The following CFAP91 variants were observed in gnomAD, a reference collection of about 807,000 sequenced individuals.
CFAP91 encodes the protein cilia and flagella associated protein 91.
CFAP91 carries 85 observed loss-of-function variants against 95.9 expected under a neutral mutation model. The observed-to-expected ratio is 0.89, with a 90% CI of 0.74 to 1.06. CFAP91 has a LOEUF of 1.06. Ranked by LOEUF, CFAP91 falls within the 50% of genes least tolerant of loss-of-function variation. The pLI is 0.00. For synonymous variants in CFAP91, 335 were observed against 327.5 expected, an observed-to-expected ratio of 1.02 and a Z score of -0.25; for missense variants, 962 against 943.4, an observed-to-expected ratio of 1.02 and a Z score of -0.26.
intron 17 of CFAP91, among the ~76,000 whole-genome samples, chr3:119,759,343 C>T (rs2054491566): frequency 6.6e-6 from 1 of 151,830 alleles, no homozygotes; most frequent in Non-Finnish European, 1.5e-5. Context: ...AAATAAAAAT[C>T]AGAATAGTGA....
rs367686262 is a variant in CFAP91, at chr3:119,703,061, C to T, written c.-38C>T. The T allele has an allele frequency of 1.9e-6, 3 of 1,548,126 alleles. No homozygotes were observed. Among genetic ancestry groups the T allele is most frequent in the Non-Finnish European group, 2.6e-6 (3 of 1,145,674 alleles). On this transcript the variant is annotated 5_prime_UTR_variant, in exon 1 of 18. Coordinates refer to ENST00000273390, the MANE Select transcript of CFAP91 (RefSeq NM_033364.4). ...GTGCACGCAGTAGCCAGGCCTGACC[C>T]GCTGGTCCCTTGCTGGCGGGAGGAA...
intron 17 of CFAP91, 57 bp from the exon 18 acceptor site, chr3:119,764,995 G>A (rs2054603485): frequency 6.6e-6 from 1 of 152,118 alleles, no homozygotes; most frequent in Admixed American, 6.5e-5. Flanking sequence ...GTATTGATCT[G>A]ATAATGTTTC....
intron 1 of CFAP91, 168 bp downstream of exon 1, chr3:119,703,390 G>T (rs1359253515): frequency 2.9e-6 from 3 of 1,018,262 alleles, no homozygotes; most frequent in African/African-American, 3.2e-5. Flanking sequence ...AGCCCTCCAG[G>T]TGGCCGCACT....
intron 6 of CFAP91, among the ~76,000 whole-genome samples, chr3:119,717,696 C>T (rs2053603636): frequency 6.6e-6 from 1 of 152,116 alleles, no homozygotes; most frequent in Non-Finnish European, 1.5e-5. Context: ...CTCTCCCCAC[C>T]CTGGCTCTGC....
chr3:119,722,874 G>T (rs2053713985), intron 6 of CFAP91, among the ~76,000 whole-genome samples: 2 of 152,128 alleles, frequency 1.3e-5, no homozygotes. Context: ...GATTTATGGT[G>T]AAAAGTATAA....
intron 11 of CFAP91, among the ~76,000 whole-genome samples, chr3:119,738,294 T>C (rs936720113): frequency 1.3e-5 from 2 of 148,916 alleles, no homozygotes; most frequent in Non-Finnish European, 3.0e-5. Context: ...AACATTCTCT[T>C]TTCTAGACTT....
At chr3:119,764,499 T>C (rs1241223126) in intron 17 of CFAP91, among the ~76,000 whole-genome samples, 1 of 152,138 alleles carries the variant, frequency 6.6e-6, no homozygotes, top group Non-Finnish European at 1.5e-5. Context: ...ATGGTAAGCT[T>C]AGTTATTATT....
intron 6 of CFAP91, among the ~76,000 whole-genome samples, chr3:119,717,167 C>T (rs1262242376): frequency 2.0e-5 from 3 of 152,164 alleles, no homozygotes; most frequent in Non-Finnish European, 4.4e-5. Flanking sequence ...GAGGGGCCAG[C>T]GCCCTTCTCC....
chr3:119,747,908 CCAA>C lies in CFAP91; in HGVS notation c.2143+7_2143+9del. Reference sequence around the variant, plus strand: ...ATACTTTGTCAAAGAAAAAGGTAAGCCAATGTAAATGCTTTACTTTAGGATTTT... The same window carrying C: ...ATACTTTGTCAAAGAAAAAGGTAAGCTGTAAATGCTTTACTTTAGGATTTT... On this transcript the variant is annotated splice_region_variant and intron_variant, in intron 16 of 17. Transcript: ENST00000273390. The C allele has an allele frequency of 6.2e-7, 1 of 1,601,016 alleles. No individual in the cohort carries two copies. The highest frequency in any genetic ancestry group is 1.7e-4 in the Middle Eastern group (1 of 5,986).
At chr3:119,740,809 C>A in intron 13 of CFAP91, 114 bp downstream of exon 13, 1 of 1,140,642 alleles carries the variant, frequency 8.8e-7, no homozygotes, top group Non-Finnish European at 1.3e-6. Flanking sequence ...AGAAACAGCC[C>A]CACAATCCCA....
chr3:119,750,705 G>A (rs1003312717), intron 16 of CFAP91: 1 of 524,994 alleles, frequency 1.9e-6, no homozygotes, highest in Non-Finnish European at 3.4e-6. Context: ...TAGAGTGCAG[G>A]CATTCCAGAT....
chr3:119,755,548 CAGTA>C (rs2054410387), intron 17 of CFAP91, among the ~76,000 whole-genome samples: 1 of 152,126 alleles, frequency 6.6e-6, no homozygotes, highest in Non-Finnish European at 1.5e-5. Context: ...TGTGAAGACA[CAGTA>C]AGAAGGTGGC....
intron 15 of CFAP91, 52 bp downstream of exon 15, chr3:119,747,315 C>T (rs560040663): frequency 1.3e-6 from 2 of 1,548,300 alleles, no homozygotes; most frequent in African/African-American, 1.4e-5. Context: ...TGCTGGTACT[C>T]ATATATATTT....
At chr3:119,710,853 A>G (rs1352064945) in intron 5 of CFAP91, among the ~76,000 whole-genome samples, 1 of 152,214 alleles carries the variant, frequency 6.6e-6, no homozygotes, top group Non-Finnish European at 1.5e-5. Context: ...TGAATCTGAG[A>G]CAAATGTGTA....
At chr3:119,763,951 T>C (rs940635548) in intron 17 of CFAP91, among the ~76,000 whole-genome samples, 5 of 152,092 alleles carry the variant, frequency 3.3e-5, no homozygotes, top group Non-Finnish European at 7.4e-5. Context: ...GTGTTATATT[T>C]TGAAAATAGC....
chr3:119,706,028 T>C (rs1437871334), intron 1 of CFAP91: 1 of 152,252 alleles, frequency 6.6e-6, no homozygotes, highest in Non-Finnish European at 1.5e-5. Flanking sequence ...GAAATATGTG[T>C]TACCATGTTA....
chr3:119,750,845 C>A, intron 16 of CFAP91, 92 bp from the exon 17 acceptor site: 1 of 1,491,242 alleles, frequency 6.7e-7, no homozygotes, highest in Non-Finnish European at 9.3e-7. Flanking sequence ...CTTTAATTTG[C>A]AAAATTATTT....
At chr3:119,740,930 C>T in intron 13 of CFAP91, 1 of 476,854 alleles carries the variant, frequency 2.1e-6, no homozygotes, top group Non-Finnish European at 3.8e-6. Flanking sequence ...TCGTGGCTCA[C>T]TGCAACCTCT....
chr3:119,724,411 A>G (rs11923444), intron 6 of CFAP91, among the ~76,000 whole-genome samples: 2,084 of 152,240 alleles, frequency 0.014, 39 homozygotes, highest in African/African-American at 0.048. Flanking sequence ...AATGTGAAGT[A>G]TATATGACAA....
Sources: gnomAD v4.1 joint callset for allele counts (sites outside exome capture counted in the v4.1 genomes callset) on GRCh38, gnomAD v4.1.1 for gene constraint, MANE v1.5 for transcripts, NCBI Gene and HGNC (gene_info 2026-07-23, HGNC 2026-07-21) for gene names.